Variants in CREG1 observed in about 807,000 individuals in gnomAD.
CREG1 encodes protein CREG1.
In CREG1, 20 loss-of-function variants were observed where a neutral mutation model predicts 19.9. That is an observed-to-expected ratio of 1.01 (90% CI 0.71 to 1.46). The LOEUF is 1.46. Ranked by LOEUF, CREG1 falls within the 40% of genes most tolerant of loss-of-function variation. CREG1 has a pLI of 0.00. For synonymous variants in CREG1, 141 were observed against 143.3 expected (o/e 0.98, Z 0.12); for missense variants, 290 against 314.9 (o/e 0.92, Z 0.60).
At chr1:167,545,376 T>C (rs1262949578) in intron 3 of CREG1, among the ~76,000 whole-genome samples, 1 of 152,186 alleles carries the variant, frequency 6.6e-6, no homozygotes, top group Non-Finnish European at 1.5e-5. Context: ...ACTGAATGTA[T>C]CATTTCCTTC....
chr1:167,553,271 G>A (rs1571628579), intron 1 of CREG1, 117 bp downstream of exon 1: 2 of 812,928 alleles, frequency 2.5e-6, no homozygotes, highest in East Asian at 6.7e-5. Context: ...CGGCAGAGAA[G>A]CAACAGCCGT....
At position 167,544,958 on chromosome 1, in the gene CREG1, A is replaced by G. The variant is rs1656291818; in HGVS notation, c.659+1143T>C. The stretch of plus-strand genomic sequence containing the variant: ...CAGTCCCTTGTATTCCCTCATTTGA[A>G]CCCTTAGCTAACTCCAAAGACTCCA... On this transcript the variant is annotated intron_variant, in intron 3 of 3. Coordinates refer to ENST00000370509, the MANE Select transcript of CREG1 (RefSeq NM_003851.3). Among the ~76,000 whole-genome samples the G allele has an allele frequency of 3.3e-5, 5 of 151,936 alleles. No homozygotes were observed. The South Asian group carries it at 1.0e-3, about 32-fold the overall frequency.
chr1:167,545,096 C>T (rs1441564345), intron 3 of CREG1, among the ~76,000 whole-genome samples: 1 of 152,166 alleles, frequency 6.6e-6, no homozygotes, highest in East Asian at 1.9e-4. Context: ...GTGGGATAAA[C>T]CACACATCCC....
Position 167,542,179 on chromosome 1 carries a change from T to C in CREG1, c.*119A>G. On this transcript the variant is annotated 3_prime_UTR_variant, in exon 4 of 4. Transcript: ENST00000370509. Reference sequence around the variant, plus strand: ...AAACAAGCAAGCAAACAAACCAGCATGTGACAGAAAACTGGCTAATATTCT... The same window carrying C: ...AAACAAGCAAGCAAACAAACCAGCACGTGACAGAAAACTGGCTAATATTCT... 2 of 831,212 alleles carry C rather than the reference T, an allele frequency of 2.4e-6. No homozygotes were observed. Among genetic ancestry groups the C allele is most frequent in the Non-Finnish European group, 3.6e-6 (2 of 551,366 alleles). The allele number at this position is 831,212 out of a possible 1,614,324, so 51.5% of individuals were successfully genotyped here. A position where few individuals can be genotyped will look rare whatever the true frequency, so the allele number is the denominator to read the frequency against.
chr1:167,542,703 C>T (rs980001036), intron 3 of CREG1, among the ~76,000 whole-genome samples: 3 of 152,206 alleles, frequency 2.0e-5, no homozygotes, highest in Non-Finnish European at 2.9e-5. Context: ...GGCAGAAGAG[C>T]AGTGATTAGC....
chr1:167,545,363 C>G (rs142249523), intron 3 of CREG1, among the ~76,000 whole-genome samples: 12 of 152,114 alleles, frequency 7.9e-5, no homozygotes, highest in Non-Finnish European at 1.5e-4. Context: ...TCATTAGGCT[C>G]TAACTGAATG....
intron 2 of CREG1, among the ~76,000 whole-genome samples, chr1:167,547,240 A>G (rs1298976627): frequency 2.0e-5 from 3 of 152,346 alleles, no homozygotes; most frequent in Admixed American, 6.5e-5. Context: ...CAGGTGATCC[A>G]AACTAAATTC....
chr1:167,543,576 G>A (rs1278711765), intron 3 of CREG1, among the ~76,000 whole-genome samples: 4 of 152,212 alleles, frequency 2.6e-5, no homozygotes, highest in Admixed American at 2.0e-4. Context: ...CAAGAAGATG[G>A]GGGCCCTGGT....
intron 2 of CREG1, among the ~76,000 whole-genome samples, chr1:167,547,436 T>C (rs964556722): frequency 1.3e-5 from 2 of 152,218 alleles, no homozygotes; most frequent in African/African-American, 4.8e-5. Context: ...AATAACTTTA[T>C]ATACAGGAGC....
chr1:167,541,717 T>A lies in CREG1; in HGVS notation c.*581A>T, dbSNP rs1432658757. ...CTTTATCAGAAATAGTTTCACCCTA[T>A]GTTGAATTAACAATACCCAGGATTG... On this transcript the variant is annotated 3_prime_UTR_variant, in exon 4 of 4. Coordinates refer to ENST00000370509, the MANE Select transcript of CREG1 (RefSeq NM_003851.3). 1 of 152,254 alleles carries A rather than the reference T, an allele frequency of 6.6e-6. No individual in the cohort carries two copies. Among genetic ancestry groups the A allele is most frequent in the Admixed American group, 6.5e-5 (1 of 15,286 alleles). 9.4% of individuals were successfully genotyped at this position (152,254 alleles called of 1,614,324 possible).
At chr1:167,552,485 G>T (rs968103332) in intron 1 of CREG1, among the ~76,000 whole-genome samples, 3 of 152,186 alleles carry the variant, frequency 2.0e-5, no homozygotes, top group South Asian at 2.1e-4. Flanking sequence ...CATCAGAGTT[G>T]TAAGTGTGGC....
At chr1:167,551,941 G>A (rs764466228) in intron 1 of CREG1, among the ~76,000 whole-genome samples, 12 of 152,220 alleles carry the variant, frequency 7.9e-5, no homozygotes, top group Non-Finnish European at 1.8e-4. Flanking sequence ...CAGGCCCACA[G>A]TGTCACTGGA....
intron 1 of CREG1, among the ~76,000 whole-genome samples, chr1:167,551,694 G>A (rs1241407297): frequency 6.6e-6 from 1 of 152,164 alleles, no homozygotes; most frequent in African/African-American, 2.4e-5. Flanking sequence ...GGCGGGAAGG[G>A]GTGTTGTCTT....
At chr1:167,543,736 G>C (rs1656268912) in intron 3 of CREG1, among the ~76,000 whole-genome samples, 1 of 152,236 alleles carries the variant, frequency 6.6e-6, no homozygotes, top group East Asian at 1.9e-4. Flanking sequence ...TTCAGGCCCT[G>C]CCCATCCCTC....
chr1:167,553,707 A>T lies in CREG1; in HGVS notation c.35T>A (p.Leu12Gln). The change falls in exon 1 of 4, where the codon CTG becomes CAG. Residue 12 changes from leucine (L) to glutamine (Q), a missense_variant. Physicochemically the swap from Leu to Gln is moderately radical, Grantham distance 113. Transcript: ENST00000370509. ...AGLSRGSARA[L>Q]LAALLASTLL... ...CGTCGACGCCAGCAGGGCGGCGAGC[A>T]GTGCGCGCGCGGACCCGCGGGATAG... The T allele has an allele frequency of 1.5e-6, 2 of 1,303,420 alleles. No individual in the cohort carries two copies. Among genetic ancestry groups the T allele is most frequent in the Admixed American group, 4.1e-5 (1 of 24,110 alleles). 80.7% of individuals were successfully genotyped at this position (1,303,420 alleles called of 1,614,324 possible). A position where few individuals can be genotyped will look rare whatever the true frequency, so the allele number is the denominator to read the frequency against.
At chr1:167,545,911 T>C (rs1043769164) in intron 3 of CREG1, among the ~76,000 whole-genome samples, 190 bp downstream of exon 3, 10 of 152,318 alleles carry the variant, frequency 6.6e-5, no homozygotes, top group Admixed American at 2.6e-4. Flanking sequence ...TGTATTTCAT[T>C]ATAGTTGATT....
chr1:167,547,857 G>T (rs1656355273), intron 2 of CREG1, 145 bp downstream of exon 2: 3 of 774,632 alleles, frequency 3.9e-6, no homozygotes, highest in Non-Finnish European at 5.9e-6. Flanking sequence ...GGAGGCAGAG[G>T]TTGCAGTAAG....
chr1:167,548,128 A>T lies in CREG1; in HGVS notation c.355-7T>A. The T allele has an allele frequency of 6.3e-7, 1 of 1,581,362 alleles. No homozygotes were observed. The highest frequency in any genetic ancestry group is 8.7e-7 in the Non-Finnish European group (1 of 1,154,868). On this transcript the variant is annotated splice_polypyrimidine_tract_variant and splice_region_variant and intron_variant, in intron 1 of 3. Coordinates refer to ENST00000370509, the MANE Select transcript of CREG1 (RefSeq NM_003851.3). ...GTGTAGCATATGGATTCTCCTATAG[A>T]GAGAAAATGAAGATCCTCTCATGTG...
intron 1 of CREG1, among the ~76,000 whole-genome samples, chr1:167,552,488 A>C (rs1364660407): frequency 6.6e-6 from 1 of 152,198 alleles, no homozygotes; most frequent in African/African-American, 2.4e-5. Context: ...CAGAGTTGTA[A>C]GTGTGGCCCT....
Sources: gnomAD v4.1 joint callset for allele counts (sites outside exome capture counted in the v4.1 genomes callset) on GRCh38, gnomAD v4.1.1 for gene constraint, MANE v1.5 for transcripts, NCBI Gene and HGNC (gene_info 2026-07-23, HGNC 2026-07-21) for gene names.